Variants in RARB observed in about 807,000 individuals in gnomAD.
RARB encodes retinoic acid receptor beta.
In RARB, 17 loss-of-function variants were observed where a neutral mutation model predicts 51.9. That is an observed-to-expected ratio of 0.33 (90% CI 0.22 to 0.49). The LOEUF is 0.49. RARB is among the 20% of genes least tolerant of loss of function. RARB has a pLI of 0.99. For synonymous variants in RARB, 215 were observed against 195.4 expected, an observed-to-expected ratio of 1.10 and a Z score of -0.84; for missense variants, 369 against 550.8, an observed-to-expected ratio of 0.67 and a Z score of 3.30.
chr3:25,249,195 T>C (rs1194297820), intron 5 of RARB, among the ~76,000 whole-genome samples: 2 of 152,140 alleles, frequency 1.3e-5, no homozygotes, highest in East Asian at 3.9e-4. Context: ...CGAAATTCTT[T>C]TTTCTCCTTG....
chr3:25,548,731 A>T (rs1285528718), intron 3 of RARB, among the ~76,000 whole-genome samples: 2 of 151,546 alleles, frequency 1.3e-5, no homozygotes, highest in African/African-American at 4.8e-5. Flanking sequence ...AAGAAAAGTG[A>T]CAGGTTGCTA....
chr3:25,553,413 A>G (rs1699925694), intron 3 of RARB, among the ~76,000 whole-genome samples: 1 of 152,128 alleles, frequency 6.6e-6, no homozygotes, highest in Non-Finnish European at 1.5e-5. Context: ...TGTGATTTAG[A>G]CCCAGCTATT....
intron 5 of RARB, among the ~76,000 whole-genome samples, chr3:25,342,192 A>G (rs187018820): frequency 6.6e-6 from 1 of 152,354 alleles, no homozygotes; most frequent in Admixed American, 6.5e-5. Flanking sequence ...TTGACCAGTG[A>G]TCTTGGATTT....
chr3:24,867,638 G>T (rs1054627409), intron 2 of RARB, among the ~76,000 whole-genome samples: 1 of 152,114 alleles, frequency 6.6e-6, no homozygotes. Context: ...CAAACTTTGG[G>T]TGCAGGCCCC....
intron 5 of RARB, among the ~76,000 whole-genome samples, chr3:25,374,067 T>C (rs1388447921): frequency 1.3e-5 from 2 of 152,296 alleles, no homozygotes; most frequent in Non-Finnish European, 2.9e-5. Flanking sequence ...ATGTTCAAAT[T>C]GGAATCCTAC....
intron 5 of RARB, among the ~76,000 whole-genome samples, chr3:25,206,320 T>A (rs1575219278): frequency 6.6e-6 from 1 of 152,348 alleles, no homozygotes; most frequent in South Asian, 2.1e-4. Context: ...GTGAAATTTG[T>A]AATTCTAAAG....
At chr3:25,517,529 C>G (rs1033726779) in intron 3 of RARB, among the ~76,000 whole-genome samples, 1 of 152,102 alleles carries the variant, frequency 6.6e-6, no homozygotes, top group African/African-American at 2.4e-5. Context: ...TTTGGACACT[C>G]GCACACTGCT....
At chr3:24,894,092 TTATG>T (rs1703436053) in intron 2 of RARB, among the ~76,000 whole-genome samples, 4 of 152,154 alleles carry the variant, frequency 2.6e-5, no homozygotes, top group African/African-American at 9.7e-5. Context: ...TTGAGAATCT[TTATG>T]TGTGAATTGT....
chr3:25,371,826 C>A (rs1050093483), intron 5 of RARB, among the ~76,000 whole-genome samples: 1 of 152,122 alleles, frequency 6.6e-6, no homozygotes, highest in Non-Finnish European at 1.5e-5. Flanking sequence ...AATAGGTAAA[C>A]CAGAAAATAG....
intron 3 of RARB, among the ~76,000 whole-genome samples, chr3:25,526,406 T>G (rs1698649446): frequency 6.6e-6 from 1 of 152,176 alleles, no homozygotes; most frequent in African/African-American, 2.4e-5. Flanking sequence ...ATTTGCAGTT[T>G]GAATATACTG....
chr3:24,986,390 G>T (rs1696794912), intron 2 of RARB, among the ~76,000 whole-genome samples: 1 of 152,176 alleles, frequency 6.6e-6, no homozygotes, highest in Admixed American at 6.5e-5. Flanking sequence ...ATAGATTAAA[G>T]ATCTGGAAGA....
chr3:25,127,674 ACGAAGGAG>A (rs1699883978), intron 3 of RARB, among the ~76,000 whole-genome samples: 1 of 152,012 alleles, frequency 6.6e-6, no homozygotes, highest in Non-Finnish European at 1.5e-5. Context: ...GAGAAAAGAA[ACGAAGGAG>A]CGAAGGAGGG....
At chr3:25,375,957 C>G (rs540014880) in intron 5 of RARB, among the ~76,000 whole-genome samples, 25 of 152,272 alleles carry the variant, frequency 1.6e-4, no homozygotes, top group African/African-American at 5.8e-4. Context: ...ATTTCCTCAT[C>G]TAAGAAATGG....
chr3:24,959,232 T>G (rs1249093113), intron 2 of RARB, among the ~76,000 whole-genome samples: 1 of 152,180 alleles, frequency 6.6e-6, no homozygotes, highest in Non-Finnish European at 1.5e-5. Flanking sequence ...TCTGCACATG[T>G]AGCCCCTGAG....
intron 1 of RARB, among the ~76,000 whole-genome samples, chr3:25,438,180 G>A (rs1314194893): frequency 6.6e-6 from 1 of 152,204 alleles, no homozygotes; most frequent in Non-Finnish European, 1.5e-5. Flanking sequence ...TCACAGCATG[G>A]CAGCAGTATT....
chr3:24,916,967 C>T (rs757812652), intron 2 of RARB, among the ~76,000 whole-genome samples: 3 of 152,114 alleles, frequency 2.0e-5, no homozygotes, highest in Non-Finnish European at 4.4e-5. Flanking sequence ...TGTACACATT[C>T]AATTATTCCA....
chr3:25,311,013 A>C (rs1704276974), intron 5 of RARB, among the ~76,000 whole-genome samples: 1 of 152,250 alleles, frequency 6.6e-6, no homozygotes, highest in Non-Finnish European at 1.5e-5. Flanking sequence ...GGAACAGATG[A>C]GACTGCCACT....
In RARB at chr3:25,194,506, GAT is replaced by G. The variant is rs549578396; in HGVS notation, c.178+19940_178+19941del. On this transcript the variant is annotated intron_variant, in intron 5 of 11. Coordinates refer to the RARB transcript ENST00000383772. ...ATATATATATATACACACACATAGT[GAT>G]ATATATATGTTGATATATATATATA... 2.9e-4 allele frequency among the ~76,000 whole-genome samples: 44 copies of G among 149,732 alleles called. 3 individuals are homozygous for G. The East Asian group carries it at 8.6e-3, about 29-fold the overall frequency.
chr3:25,254,813 A>G (rs1702821395), intron 5 of RARB, among the ~76,000 whole-genome samples: 1 of 151,818 alleles, frequency 6.6e-6, no homozygotes, highest in African/African-American at 2.4e-5. Flanking sequence ...CGGATATAAA[A>G]CTGTCTTTGA....
Sources: allele counts gnomAD v4.1 joint callset (sites outside exome capture counted in the v4.1 genomes callset), GRCh38; gene constraint gnomAD v4.1.1; transcripts MANE v1.5; gene names NCBI Gene and HGNC (gene_info 2026-07-23, HGNC 2026-07-21).